Variants in EYS observed in about 807,000 individuals in gnomAD.
The protein encoded by EYS is protein eyes shut homolog.
In EYS, 250 loss-of-function variants were observed where a neutral mutation model predicts 282.1. That is an observed-to-expected ratio of 0.89 (90% confidence interval 0.80 to 0.98). The LOEUF (loss-of-function observed/expected upper bound fraction) is 0.98, where lower values mean the gene tolerates loss of function less well. Among genes scored for constraint, EYS ranks in the 50% least tolerant of loss-of-function variants. The pLI is 0.00. For missense variants in EYS, 4,016 were observed against 3,709.0 expected, an observed-to-expected ratio of 1.08 and a Z score of -2.15; for synonymous variants, 1,355 against 1,282.9, an observed-to-expected ratio of 1.06 and a Z score of -1.20.
intron 8 of EYS, among the ~76,000 whole-genome samples, chr6:65,360,301 A>AT (rs1228774729): frequency 1.3e-5 from 2 of 151,998 alleles, no homozygotes; most frequent in Non-Finnish European, 2.9e-5. Context: ...TTAATGTTCA[A>AT]TTTCCACTCA....
chr6:63,779,898 TC>T (rs1355038332), intron 39 of EYS, among the ~76,000 whole-genome samples: 1 of 152,028 alleles, frequency 6.6e-6, no homozygotes, highest in Non-Finnish European at 1.5e-5. Flanking sequence ...CCCTCCGCAC[TC>T]CCCCGACCCC....
chr6:64,219,071 T>C (rs1190220977), intron 31 of EYS, among the ~76,000 whole-genome samples: 1 of 152,136 alleles, frequency 6.6e-6, no homozygotes, highest in Non-Finnish European at 1.5e-5. Context: ...AACAAACCAC[T>C]GATGCAGCCG....
intron 13 of EYS, among the ~76,000 whole-genome samples, chr6:65,019,917 C>G (rs534430649): frequency 2.0e-5 from 3 of 151,156 alleles, no homozygotes; most frequent in African/African-American, 7.3e-5. Flanking sequence ...CAAGAAGTGC[C>G]GAGCAAAATG....
At chr6:64,433,272 T>A (rs1774631401) in intron 28 of EYS, among the ~76,000 whole-genome samples, 1 of 151,942 alleles carries the variant, frequency 6.6e-6, no homozygotes, top group South Asian at 2.1e-4. Flanking sequence ...AATAACAAAA[T>A]AAAAGAGGGT....
intron 22 of EYS, among the ~76,000 whole-genome samples, chr6:64,630,340 A>G (rs1444266635): frequency 6.6e-6 from 1 of 152,044 alleles, no homozygotes; most frequent in Non-Finnish European, 1.5e-5. Context: ...CTCGTGATCC[A>G]CCTGCCTCGG....
At chr6:64,371,858 T>G (rs1772384995) in intron 29 of EYS, among the ~76,000 whole-genome samples, 2 of 152,188 alleles carry the variant, frequency 1.3e-5, no homozygotes, top group Non-Finnish European at 2.9e-5. Flanking sequence ...TGTTTTCCAT[T>G]TGCATGGTAG....
At chr6:64,701,034 T>G (rs1443693050) in intron 22 of EYS, among the ~76,000 whole-genome samples, 1 of 151,698 alleles carries the variant, frequency 6.6e-6, no homozygotes, top group Non-Finnish European at 1.5e-5. Flanking sequence ...TATAGATCAA[T>G]GAAACAGAAT....
intron 24 of EYS, among the ~76,000 whole-genome samples, chr6:64,594,202 G>A (rs1348259650): frequency 1.3e-5 from 2 of 152,114 alleles, no homozygotes; most frequent in Admixed American, 6.6e-5. Context: ...TTGTATAAAT[G>A]TCAGATGATT....
chr6:64,902,520 A>G lies in EYS; in HGVS notation c.2642-20T>C. ...CAAATTCTGCAAAGAGTATGAGATGAGTATGGATGAGCAATCCTTGTTATA... is the reference window on the plus strand; with the variant it reads ...CAAATTCTGCAAAGAGTATGAGATGGGTATGGATGAGCAATCCTTGTTATA... On this transcript the variant is annotated intron_variant, in intron 16 of 42. Transcript: ENST00000503581. 7.2e-7 allele frequency: 1 copy of G among 1,383,128 alleles called. No homozygotes were observed. Among genetic ancestry groups the G allele is most frequent in the Non-Finnish European group, 9.8e-7 (1 of 1,020,418 alleles). The allele number at this position is 1,383,128 out of a possible 1,614,324, so 85.7% of individuals were successfully genotyped here. A position where few individuals can be genotyped will look rare whatever the true frequency, so the allele number is the denominator to read the frequency against.
At chr6:65,536,160 C>T (rs191154600) in intron 2 of EYS, among the ~76,000 whole-genome samples, 33 of 151,716 alleles carry the variant, frequency 2.2e-4, no homozygotes, top group African/African-American at 7.3e-4. Context: ...GAGAATCATA[C>T]GACTATAGAA....
chr6:65,145,186 A>G (rs1324950379), intron 12 of EYS, among the ~76,000 whole-genome samples: 1 of 152,116 alleles, frequency 6.6e-6, no homozygotes, highest in Non-Finnish European at 1.5e-5. Context: ...CACAGATTTT[A>G]TTCACTTAAT....
intron 11 of EYS, 27 bp downstream of exon 11, chr6:65,334,950 ATAT>A (rs1263211577): frequency 1.3e-6 from 2 of 1,585,558 alleles, no homozygotes; most frequent in Non-Finnish European, 8.6e-7. Context: ...TTGATATGTG[ATAT>A]TATCTGCTCA....
At chr6:65,141,770 G>T (rs1764351798) in intron 12 of EYS, among the ~76,000 whole-genome samples, 1 of 151,960 alleles carries the variant, frequency 6.6e-6, no homozygotes, top group Admixed American at 6.6e-5. Context: ...AAGTTCGGGG[G>T]CAAGAGTGAA....
chr6:63,952,906 T>C (rs1248607370), intron 35 of EYS, among the ~76,000 whole-genome samples: 1 of 152,178 alleles, frequency 6.6e-6, no homozygotes, highest in Non-Finnish European at 1.5e-5. Flanking sequence ...TTAAAGCCCA[T>C]TATCACTCAC....
At chr6:65,145,327 T>C (rs962990899) in intron 12 of EYS, among the ~76,000 whole-genome samples, 11 of 152,074 alleles carry the variant, frequency 7.2e-5, no homozygotes, top group African/African-American at 2.4e-4. Flanking sequence ...ATAATAATTA[T>C]ATATAGGTAT....
At chr6:65,668,459 C>A (rs1768272545) in intron 1 of EYS, among the ~76,000 whole-genome samples, 1 of 151,798 alleles carries the variant, frequency 6.6e-6, no homozygotes, top group African/African-American at 2.4e-5. Flanking sequence ...TGAATCACAG[C>A]CACACCTATT....
At chr6:64,372,167 G>T (rs1772401352) in intron 29 of EYS, among the ~76,000 whole-genome samples, 1 of 92,998 alleles carries the variant, frequency 1.1e-5, no homozygotes. Flanking sequence ...TTTTGTAGTG[G>T]CCAGGAATGG....
In EYS at chr6:64,354,721, G is replaced by T. The variant is rs548500076; in HGVS notation, c.6078+33969C>A. ...AAATATGTGTAATGGGTCATTAAAGGTGTTATTTTTATTACTAAATTCTAT... is the reference window on the plus strand; with the variant it reads ...AAATATGTGTAATGGGTCATTAAAGTTGTTATTTTTATTACTAAATTCTAT... On this transcript the variant is annotated intron_variant, in intron 29 of 42. Transcript: ENST00000503581. Among the ~76,000 whole-genome samples, 3 of 151,442 alleles carry T rather than the reference G, an allele frequency of 2.0e-5. No individual in the cohort carries two copies. The South Asian group carries it at 6.2e-4, about 31-fold the overall frequency.
At chr6:64,137,890 CCTTA>C (rs1401680279) in intron 31 of EYS, among the ~76,000 whole-genome samples, 2 of 152,022 alleles carry the variant, frequency 1.3e-5, no homozygotes, top group African/African-American at 2.4e-5. Flanking sequence ...GTCACAGAGT[CCTTA>C]CTTTGTAAAA....
Sources: allele counts gnomAD v4.1 joint callset (sites outside exome capture counted in the v4.1 genomes callset), GRCh38; gene constraint gnomAD v4.1.1; transcripts MANE v1.5; gene names NCBI Gene and HGNC (gene_info 2026-07-23, HGNC 2026-07-21).